The following CACNA2D4 variants were observed in gnomAD, a reference collection of about 807,000 sequenced individuals.
The protein encoded by CACNA2D4 is calcium voltage-gated channel auxiliary subunit alpha2delta 4.
A neutral mutation model predicts 163.8 loss-of-function variants in CACNA2D4; 157 were observed. The observed-to-expected ratio is 0.96, with a 90% confidence interval of 0.84 to 1.09. The LOEUF is 1.09. CACNA2D4 is among the 50% of genes least tolerant of loss of function. The pLI is 0.00. For missense variants in CACNA2D4, 1,410 were observed against 1,479.9 expected, an observed-to-expected ratio of 0.95 and a Z score of 0.78; for synonymous variants, 598 against 586.9, an observed-to-expected ratio of 1.02 and a Z score of -0.27.
intron 6 of CACNA2D4, among the ~76,000 whole-genome samples, chr12:1,898,945 T>G (rs1282624571): frequency 6.6e-6 from 1 of 152,116 alleles, no homozygotes; most frequent in African/African-American, 2.4e-5. Flanking sequence ...AATGGAGAGT[T>G]ATTGTTTAAT....
intron 2 of CACNA2D4, 128 bp downstream of exon 2, chr12:1,914,726 A>G: frequency 4.5e-6 from 3 of 664,102 alleles, no homozygotes; most frequent in Non-Finnish European, 8.2e-6. Flanking sequence ...CCTGGGCCTC[A>G]GTGGCCCCAT....
intron 26 of CACNA2D4, chr12:1,827,667 C>T (rs982892915): frequency 6.5e-6 from 1 of 153,644 alleles, no homozygotes; most frequent in Admixed American, 6.5e-5. Flanking sequence ...ACAGTTGTGG[C>T]CTGTGACCTC....
intron 18 of CACNA2D4, among the ~76,000 whole-genome samples, chr12:1,872,724 G>A (rs542942218): frequency 2.2e-4 from 33 of 152,204 alleles, no homozygotes; most frequent in African/African-American, 7.7e-4. Context: ...CTGCCTCGGC[G>A]GCCCCACACC....
rs1270720433 is a variant in CACNA2D4 at position 1,886,266 on chromosome 12, A to G, written c.950T>C (p.Ile317Thr). The change falls in exon 8 of 38, where the codon ATC becomes ACC. Residue 317 changes from isoleucine (I) to threonine (T), a missense_variant. Ile to Thr is a moderately conservative substitution (Grantham distance 89, BLOSUM62 -1). Coordinates refer to ENST00000382722, the MANE Select transcript of CACNA2D4 (RefSeq NM_172364.5). Reference protein sequence around the residue: ...MTIAKHTITTILDTLGENDFI... With the variant: ...MTIAKHTITTTLDTLGENDFI... ...GTCATTCTCCCCCAGGGTGTCCAAG[A>G]TGGTGGTGATGGTGTGCTTGGCAAT... 2 of 1,613,474 alleles carry G rather than the reference A, an allele frequency of 1.2e-6. No homozygotes were observed. Among genetic ancestry groups the G allele is most frequent in the African/African-American group, 1.3e-5 (1 of 74,878 alleles).
intron 13 of CACNA2D4, among the ~76,000 whole-genome samples, chr12:1,881,255 G>C (rs952576127): frequency 6.6e-6 from 1 of 152,186 alleles, no homozygotes; most frequent in Non-Finnish European, 1.5e-5. Flanking sequence ...GTGGAGGTAA[G>C]AGAGCGTCAG....
At chr12:1,871,115 G>A (rs1865763429) in intron 18 of CACNA2D4, among the ~76,000 whole-genome samples, 1 of 151,740 alleles carries the variant, frequency 6.6e-6, no homozygotes, top group Non-Finnish European at 1.5e-5. Flanking sequence ...CTGCTGTTGT[G>A]TGCATATGTA....
intron 26 of CACNA2D4, among the ~76,000 whole-genome samples, chr12:1,825,248 G>A (rs1446862309): frequency 6.6e-6 from 1 of 152,188 alleles, no homozygotes; most frequent in Non-Finnish European, 1.5e-5. Context: ...GGGAGAGGGT[G>A]AGGTGGGATG....
rs1291749525 is a variant in CACNA2D4 at position 1,834,412 on chromosome 12, C to G, written c.2551+6327G>C. ...CTGGGCTGGATATTCCTGGGCCACCCTGCACCAAGGCCAGTCCAGAGCCTG... is the reference window on the plus strand; with the variant it reads ...CTGGGCTGGATATTCCTGGGCCACCGTGCACCAAGGCCAGTCCAGAGCCTG... On this transcript the variant is annotated intron_variant, in intron 26 of 37. Transcript: ENST00000382722. The surrounding 1 kb of genome is among the most constrained non-coding windows in gnomAD (Gnocchi z 7.6). 6 of 1,613,062 alleles carry G rather than the reference C, an allele frequency of 3.7e-6. No homozygotes were observed. Among genetic ancestry groups the G allele is most frequent in the Non-Finnish European group, 5.1e-6 (6 of 1,180,012 alleles).
chr12:1,879,315 G>A (rs1219210836), intron 14 of CACNA2D4, among the ~76,000 whole-genome samples: 3 of 152,062 alleles, frequency 2.0e-5, no homozygotes, highest in South Asian at 2.1e-4. Flanking sequence ...TAATCTTCAC[G>A]GCACAGGGCG....
chr12:1,793,805 C>T, intron 37 of CACNA2D4, 46 bp from the exon 38 acceptor site: 2 of 1,527,988 alleles, frequency 1.3e-6, no homozygotes, highest in Admixed American at 1.7e-5. Flanking sequence ...CAGAGGAGGA[C>T]CCTCAAAAAG....
intron 6 of CACNA2D4, among the ~76,000 whole-genome samples, chr12:1,888,679 G>A (rs1467663771): frequency 1.3e-5 from 2 of 152,224 alleles, no homozygotes; most frequent in African/African-American, 4.8e-5. Flanking sequence ...TTATTCATGG[G>A]TAAAAAGAAA....
intron 5 of CACNA2D4, 73 bp downstream of exon 5, chr12:1,907,802 T>C: frequency 6.6e-7 from 1 of 1,525,186 alleles, no homozygotes; most frequent in East Asian, 2.3e-5. Context: ...TGGGTGTGCC[T>C]GGTGGGCGTG....
intron 35 of CACNA2D4, among the ~76,000 whole-genome samples, chr12:1,796,717 G>A (rs944465763): frequency 2.6e-5 from 4 of 152,182 alleles, no homozygotes; most frequent in Non-Finnish European, 5.9e-5. Flanking sequence ...GGTGTGCCAC[G>A]GGCCCGGGGG....
chr12:1,896,663 T>A (rs1592742052), intron 6 of CACNA2D4, among the ~76,000 whole-genome samples: 1 of 140,388 alleles, frequency 7.1e-6, no homozygotes, highest in Non-Finnish European at 1.5e-5. Context: ...ACAAAACAGA[T>A]GCTAGCAAGG....
In CACNA2D4 at chr12:1,846,686, C is replaced by T. The variant is rs750405281; in HGVS notation, c.2250G>A (p.Glu750=). 6.9e-6 allele frequency: 11 copies of T among 1,595,566 alleles called. No homozygotes were observed. In the African/African-American group the frequency reaches 1.5e-4, roughly 21 times the overall value. Residue 750 remains glutamate (E), a synonymous_variant, in exon 24 of 38, where the codon GAG becomes GAA. Transcript: ENST00000382722. ...WTALALNMSE[E]SEHVVDMAFL... ...AGGCCATGTCCACCACGTGTTCAGA[C>T]TCCCTGTGTGGCAGACAGAGCGGGA...
intron 18 of CACNA2D4, among the ~76,000 whole-genome samples, chr12:1,870,820 G>A (rs1417224103): frequency 2.0e-5 from 3 of 152,106 alleles, no homozygotes; most frequent in Non-Finnish European, 4.4e-5. Flanking sequence ...TCTGGAAGAC[G>A]AGGCTGGGAG....
At chr12:1,904,340 A>C (rs2154451616) in intron 6 of CACNA2D4, among the ~76,000 whole-genome samples, 1 of 152,150 alleles carries the variant, frequency 6.6e-6, no homozygotes, top group East Asian at 1.9e-4. Flanking sequence ...TAATAATTTA[A>C]TTTTACATTT....
chr12:1,799,318 G>A lies in CACNA2D4; in HGVS notation c.2995+357C>T, dbSNP rs536502830. On this transcript the variant is annotated intron_variant, in intron 34 of 37. Transcript: ENST00000382722. The surrounding 1 kb of genome is among the most constrained non-coding windows in gnomAD (Gnocchi z 4.7). ...TGGGGCCCCTGGAACCCGGAGTCCC[G>A]CTGAGGGCTGGGGTGCCGCTGTTTG... Among the ~76,000 whole-genome samples, 3 of 152,182 alleles carry A rather than the reference G, an allele frequency of 2.0e-5. No individual in the cohort carries two copies. Among genetic ancestry groups the A allele is most frequent in the Admixed American group, 6.5e-5 (1 of 15,282 alleles).
At chr12:1,807,213 T>C (rs1235457746) in intron 29 of CACNA2D4, among the ~76,000 whole-genome samples, 2 of 152,050 alleles carry the variant, frequency 1.3e-5, no homozygotes, top group East Asian at 2.0e-4. Flanking sequence ...TGAACTTTGC[T>C]GTGAGCTGCC....
Sources: allele counts gnomAD v4.1 joint callset (sites outside exome capture counted in the v4.1 genomes callset), GRCh38; gene constraint gnomAD v4.1.1; non-coding constraint Gnocchi (gnomAD v3.1); transcripts MANE v1.5; gene names NCBI Gene and HGNC (gene_info 2026-07-23, HGNC 2026-07-21).